The following ZFP36L1 variants were observed in gnomAD, a reference collection of about 807,000 sequenced individuals.
ZFP36L1 encodes mRNA decay activator protein ZFP36L1.
In ZFP36L1, 4 loss-of-function variants were observed where a neutral mutation model predicts 16.7. The observed-to-expected ratio is 0.24, with a 90% CI of 0.12 to 0.55. The LOEUF (loss-of-function observed/expected upper bound fraction) is 0.55. Among genes scored for constraint, ZFP36L1 ranks in the 20% least tolerant of loss-of-function variants. The pLI is 0.94. For synonymous variants in ZFP36L1, 220 were observed against 190.8 expected (o/e 1.15, Z -1.26); for missense variants, 311 against 449.2 (o/e 0.69, Z 2.78).
At chr14:68,792,067 T>A (rs538808932) in intron 1 of ZFP36L1, among the ~76,000 whole-genome samples, 1 of 152,164 alleles carries the variant, frequency 6.6e-6, no homozygotes, top group Non-Finnish European at 1.5e-5. Context: ...CCTGGAACAT[T>A]CCGAGTTTAA....
At chr14:68,796,020 C>T (rs138717539), upstream of ZFP36L1, 2,241 of 1,324,972 alleles carry the variant, frequency 1.7e-3, 24 homozygotes, top group African/African-American at 0.029. Context: ...CTTCGCGGTG[C>T]ATTCCGCCCT....
chr14:68,792,543 G>C (rs1895117104), intron 1 of ZFP36L1, among the ~76,000 whole-genome samples: 1 of 152,086 alleles, frequency 6.6e-6, no homozygotes, highest in Admixed American at 6.5e-5. Flanking sequence ...CAGCAAACCT[G>C]GGATCCAGCA....
chr14:68,795,952 G>A (rs750738531), upstream of ZFP36L1: 2 of 1,273,820 alleles, frequency 1.6e-6, no homozygotes, highest in Non-Finnish European at 1.1e-6. Flanking sequence ...GGTGGCGGGA[G>A]GGCGGCCCTA....
intron 1 of ZFP36L1, among the ~76,000 whole-genome samples, chr14:68,792,387 T>C (rs1222413340): frequency 6.6e-6 from 1 of 152,072 alleles, no homozygotes; most frequent in Admixed American, 6.5e-5. Flanking sequence ...TGGCCTTTCT[T>C]CCTCGCATAT....
chr14:68,792,234 C>G (rs959889424), intron 1 of ZFP36L1, among the ~76,000 whole-genome samples: 2 of 150,890 alleles, frequency 1.3e-5, no homozygotes, highest in African/African-American at 4.9e-5. Context: ...CTCGGCAACA[C>G]AGGTAAGCGG....
At chr14:68,792,681 C>T (rs193074013) in intron 1 of ZFP36L1, among the ~76,000 whole-genome samples, 4 of 152,236 alleles carry the variant, frequency 2.6e-5, no homozygotes, top group East Asian at 3.9e-4. Context: ...ACATGTAATC[C>T]CCGCCAGCAA....
Position 68,790,446 on chromosome 14 carries a change from A to G in ZFP36L1, c.104T>C (p.Leu35Pro), listed in dbSNP as rs1280084804. ...GGTGCCCACTGCCTTTCTGTCCAGC[A>G]GGCAACCCCCTGCACTGGGAGCACT... ...NYSAPSAGGC[L>P]LDRKAVGTPA... The change falls in exon 2 of 2, where the codon CTG (leucine) becomes CCG (proline). Residue 35 changes from leucine to proline, a missense_variant. By Grantham distance (98) the Leu-to-Pro change is moderately conservative. This residue lies in a region of ZFP36L1 where 137 missense variants were observed against 142.6 expected (regional missense o/e 0.96). Transcript: ENST00000439696. 1 of 1,614,118 alleles carries G rather than the reference A, an allele frequency of 6.2e-7. No homozygotes were observed. Among genetic ancestry groups the G allele is most frequent in the African/African-American group, 1.3e-5 (1 of 75,042 alleles).
chr14:68,790,199 C>A lies in ZFP36L1; in HGVS notation c.351G>T (p.Thr117=), dbSNP rs1156391531. The change falls in exon 2 of 2, where the codon ACG becomes ACT. Residue 117 remains threonine, a synonymous_variant. Transcript: ENST00000439696. The part of the protein sequence containing the change: ...GGQVNSSRYK[T]ELCRPFEENG... Reference sequence around the variant, plus strand: ...TTTCCTCAAAGGGGCGGCACAGCTCCGTCTTGTAGCGGCTGGAGTTGACCT... The same window carrying A: ...TTTCCTCAAAGGGGCGGCACAGCTCAGTCTTGTAGCGGCTGGAGTTGACCT... 2 of 1,613,364 alleles carry A rather than the reference C, an allele frequency of 1.2e-6. No individual in the cohort carries two copies. The highest frequency in any genetic ancestry group is 8.5e-7 in the Non-Finnish European group (1 of 1,179,772).
In ZFP36L1 at chr14:68,787,699, C is replaced by T. The variant is rs575514785; in HGVS notation, c.*1834G>A. The T allele has an allele frequency of 6.6e-6, 1 of 151,272 alleles. No homozygotes were observed. The highest frequency in any genetic ancestry group is 1.5e-5 in the Non-Finnish European group (1 of 67,832). 9.4% of individuals were successfully genotyped at this position (151,272 alleles called of 1,614,324 possible). A position where few individuals can be genotyped will look rare whatever the true frequency, so the allele number is the denominator to read the frequency against. The stretch of plus-strand genomic sequence containing the variant: ...ACGGGGTTTATTGATTTTTAAACTG[C>T]AAATAGTCGTTACAAAAAGTTTTTT... On this transcript the variant is annotated 3_prime_UTR_variant, in exon 2 of 2. Coordinates refer to ENST00000439696, the MANE Select transcript of ZFP36L1 (RefSeq NM_004926.4).
rs547380298 is a variant in ZFP36L1 at position 68,789,729 on chromosome 14, G to C, written c.821C>G (p.Pro274Arg). 6.2e-7 allele frequency: 1 copy of C among 1,614,032 alleles called. No homozygotes were observed. Among genetic ancestry groups the C allele is most frequent in the South Asian group, 1.1e-5 (1 of 91,080 alleles). ...CATGGGCCGGAAGAGGAAGGTGGTC[G>C]GGGAGCCACCCCCGGGCAGCCCCAT... Reference protein sequence around the residue: ...PSMGLPGGGSPTTFLFRPMSE... With the variant: ...PSMGLPGGGSRTTFLFRPMSE... The change falls in exon 2 of 2, where the codon CCG (proline) becomes CGG (arginine). Residue 274 changes from proline (P) to arginine (R), a missense_variant. Around this residue, in one of 4 missense-constraint regions of ZFP36L1, gnomAD observed 147 missense variants for 192.0 expected, o/e 0.77. Coordinates refer to ENST00000439696, the MANE Select transcript of ZFP36L1 (RefSeq NM_004926.4). The surrounding 1 kb of genome is among the most constrained non-coding windows in gnomAD (Gnocchi z 4.5).
chr14:68,791,005 C>T (rs1003773400), intron 1 of ZFP36L1: 1 of 700,830 alleles, frequency 1.4e-6, no homozygotes, highest in Admixed American at 2.0e-5. Context: ...TCTCAACTTC[C>T]TCCTTCAGAA....
intron 1 of ZFP36L1, among the ~76,000 whole-genome samples, chr14:68,792,558 G>T (rs554339912): frequency 6.6e-6 from 1 of 152,216 alleles, no homozygotes; most frequent in Admixed American, 6.5e-5. Context: ...CCAGCAGCAC[G>T]TTACGTAAAA....
upstream of ZFP36L1, chr14:68,793,811 G>T (rs1895177109): frequency 1.0e-6 from 1 of 984,310 alleles, no homozygotes; most frequent in Non-Finnish European, 1.2e-6. Flanking sequence ...GGGGACTAGG[G>T]AAACTTTTTC....
At chr14:68,793,155 G>T (rs759552906), upstream of ZFP36L1, 37 of 1,222,884 alleles carry the variant, frequency 3.0e-5, no homozygotes, top group Non-Finnish European at 3.6e-5. Context: ...AAATGAGGAA[G>T]AGGAGGAAAA....
upstream of ZFP36L1, chr14:68,794,523 T>A (rs1396410559): frequency 3.3e-5 from 5 of 152,272 alleles, no homozygotes; most frequent in Admixed American, 1.3e-4. Flanking sequence ...CTGCGCTTCT[T>A]TCCGATTTCC....
At chr14:68,793,396 G>A (rs1388267061), upstream of ZFP36L1, 4 of 1,002,450 alleles carry the variant, frequency 4.0e-6, no homozygotes, top group Middle Eastern at 1.5e-3. Flanking sequence ...CCCCCTCTCC[G>A]GGGCCGCGCG....
At chr14:68,791,239 CAATT>C in intron 1 of ZFP36L1, 1 of 555,696 alleles carries the variant, frequency 1.8e-6, no homozygotes, top group East Asian at 3.0e-5. Flanking sequence ...GATGCCTTTG[CAATT>C]AGTCTTTTGG....
intron 1 of ZFP36L1, among the ~76,000 whole-genome samples, chr14:68,791,586 C>T (rs1192577934): frequency 6.6e-6 from 1 of 151,708 alleles, no homozygotes; most frequent in Admixed American, 6.6e-5. Flanking sequence ...GCAACCACCC[C>T]ACCGAGAGGA....
At chr14:68,795,237 A>G (rs186682783), upstream of ZFP36L1, among the ~76,000 whole-genome samples, 96 of 152,178 alleles carry the variant, frequency 6.3e-4, no homozygotes, top group East Asian at 0.018. Flanking sequence ...TGAAACCACA[A>G]GGTTAGTCTG....
Sources: gnomAD v4.1 joint callset for allele counts (sites outside exome capture counted in the v4.1 genomes callset) on GRCh38, gnomAD v4.1.1 for gene constraint, gnomAD v4.1.1 regional missense constraint, Gnocchi (gnomAD v3.1) non-coding constraint, MANE v1.5 for transcripts, NCBI Gene and HGNC (gene_info 2026-07-23, HGNC 2026-07-21) for gene names.